The following NTNG1 variants were observed in gnomAD, a reference collection of about 807,000 sequenced individuals.
The protein encoded by NTNG1 is netrin G1.
Under a neutral mutation model 54.0 loss-of-function variants are expected in NTNG1, and 16 were observed. That is an observed-to-expected ratio of 0.30 (90% CI 0.20 to 0.45). NTNG1 has a LOEUF of 0.45. NTNG1 is among the 20% of genes least tolerant of loss of function. The pLI is 1.00. For synonymous variants in NTNG1, 255 were observed against 263.1 expected, an observed-to-expected ratio of 0.97 and a Z score of 0.30; for missense variants, 530 against 678.7, an observed-to-expected ratio of 0.78 and a Z score of 2.43.
At chr1:107,376,071 C>A (rs555508796) in intron 3 of NTNG1, among the ~76,000 whole-genome samples, 4 of 152,194 alleles carry the variant, frequency 2.6e-5, no homozygotes, top group Non-Finnish European at 5.9e-5. Flanking sequence ...GTGTTAGGAA[C>A]TCCTATAAGC....
chr1:107,218,255 A>G (rs1188710441), intron 2 of NTNG1, among the ~76,000 whole-genome samples: 2 of 151,986 alleles, frequency 1.3e-5, no homozygotes, highest in East Asian at 3.9e-4. Flanking sequence ...GTTTTGTTTG[A>G]TATAAGAATA....
At chr1:107,270,735 C>T (rs1224594232) in intron 2 of NTNG1, among the ~76,000 whole-genome samples, 4 of 148,656 alleles carry the variant, frequency 2.7e-5, no homozygotes, top group Non-Finnish European at 6.0e-5. Flanking sequence ...CCCAACCCGC[C>T]AAAGTGCAGT....
At chr1:107,458,949 C>A (rs1406112651) in intron 7 of NTNG1, among the ~76,000 whole-genome samples, 1 of 152,150 alleles carries the variant, frequency 6.6e-6, no homozygotes. Flanking sequence ...TTCCTACAAT[C>A]TCAGAAGGGA....
intron 7 of NTNG1, among the ~76,000 whole-genome samples, chr1:107,438,311 G>A (rs1424769524): frequency 6.6e-6 from 1 of 152,142 alleles, no homozygotes; most frequent in African/African-American, 2.4e-5. Context: ...CTGAAAGACA[G>A]TCAAATAGTC....
intron 3 of NTNG1, among the ~76,000 whole-genome samples, chr1:107,382,348 T>A (rs1478575473): frequency 6.6e-6 from 1 of 152,186 alleles, no homozygotes; most frequent in African/African-American, 2.4e-5. Flanking sequence ...AACTAGTGAA[T>A]CAGCTAGTTA....
chr1:107,209,356 A>G (rs1423473756), intron 2 of NTNG1, among the ~76,000 whole-genome samples: 3 of 152,094 alleles, frequency 2.0e-5, no homozygotes, highest in African/African-American at 7.2e-5. Context: ...AGATGCCTCA[A>G]AATATACTCT....
chr1:107,398,171 A>C (rs1381842563), intron 4 of NTNG1, among the ~76,000 whole-genome samples: 1 of 152,192 alleles, frequency 6.6e-6, no homozygotes, highest in African/African-American at 2.4e-5. Context: ...TCAAGTAGCC[A>C]GGATATTTTT....
At chr1:107,426,298 T>A (rs567404898) in intron 5 of NTNG1, among the ~76,000 whole-genome samples, 1 of 152,234 alleles carries the variant, frequency 6.6e-6, no homozygotes, top group East Asian at 1.9e-4. Context: ...ATTTCTATGG[T>A]TTCAGGTCTT....
chr1:107,468,552 A>G (rs1677749767), intron 7 of NTNG1, among the ~76,000 whole-genome samples: 1 of 152,224 alleles, frequency 6.6e-6, no homozygotes, highest in Non-Finnish European at 1.5e-5. Flanking sequence ...ATCATTTCAA[A>G]GAACACCAAA....
chr1:107,144,726 A>G (rs143479520), intron 1 of NTNG1, among the ~76,000 whole-genome samples: 22 of 152,182 alleles, frequency 1.4e-4, no homozygotes, highest in Admixed American at 7.8e-4. Flanking sequence ...GTCCTGATCA[A>G]TAATCTCTAT....
intron 3 of NTNG1, among the ~76,000 whole-genome samples, chr1:107,346,367 G>T (rs1669229951): frequency 6.6e-6 from 1 of 152,188 alleles, no homozygotes; most frequent in South Asian, 2.1e-4. Flanking sequence ...TGGAGAAAAA[G>T]ACCATTCATT....
At chr1:107,252,677 T>C (rs1662685061) in intron 2 of NTNG1, among the ~76,000 whole-genome samples, 1 of 152,208 alleles carries the variant, frequency 6.6e-6, no homozygotes, top group Admixed American at 6.5e-5. Context: ...GCTTTGCATC[T>C]GGGCTCCCTA....
intron 7 of NTNG1, among the ~76,000 whole-genome samples, chr1:107,454,174 A>G: frequency 6.6e-6 from 1 of 152,176 alleles, no homozygotes; most frequent in East Asian, 1.9e-4. Context: ...AATACCACAC[A>G]ACAGAGAAAG....
intron 2 of NTNG1, among the ~76,000 whole-genome samples, chr1:107,200,439 T>A (rs138390217): frequency 6.6e-6 from 1 of 151,834 alleles, no homozygotes; most frequent in East Asian, 1.9e-4. Flanking sequence ...GTGTCTTGAG[T>A]TTCTTTTTGA....
chr1:107,261,870 A>T (rs1454453905), intron 2 of NTNG1, among the ~76,000 whole-genome samples: 4 of 152,162 alleles, frequency 2.6e-5, no homozygotes, highest in African/African-American at 7.2e-5. Flanking sequence ...AAAAAAAACG[A>T]TAACAACTAT....
intron 5 of NTNG1, among the ~76,000 whole-genome samples, chr1:107,429,886 C>G (rs1675147566): frequency 6.6e-6 from 1 of 152,100 alleles, no homozygotes; most frequent in South Asian, 2.1e-4. Context: ...CCACCCTTCC[C>G]CAACTACTCT....
intron 7 of NTNG1, among the ~76,000 whole-genome samples, chr1:107,438,607 T>C (rs1478683904): frequency 6.6e-6 from 1 of 152,056 alleles, no homozygotes; most frequent in Non-Finnish European, 1.5e-5. Flanking sequence ...GACTTTGTAA[T>C]TAAGACACAC....
At chr1:107,273,513 A>T (rs1312428563) in intron 2 of NTNG1, among the ~76,000 whole-genome samples, 1 of 152,160 alleles carries the variant, frequency 6.6e-6, no homozygotes, top group Non-Finnish European at 1.5e-5. Flanking sequence ...GGTTTTTTAA[A>T]TAGAAGGAAC....
intron 2 of NTNG1, among the ~76,000 whole-genome samples, chr1:107,265,167 C>G (rs1165566259): frequency 6.6e-6 from 1 of 152,098 alleles, no homozygotes; most frequent in Admixed American, 6.6e-5. Context: ...AGGAGAATGC[C>G]TCTTTGAAGT....
Sources: allele counts gnomAD v4.1 joint callset (sites outside exome capture counted in the v4.1 genomes callset), GRCh38; gene constraint gnomAD v4.1.1; transcripts MANE v1.5; gene names NCBI Gene and HGNC (gene_info 2026-07-23, HGNC 2026-07-21).